Variants in PLXNA2 observed in about 807,000 individuals in gnomAD.
The protein encoded by PLXNA2 is plexin-A2.
A neutral mutation model predicts 193.5 loss-of-function variants in PLXNA2; 91 were observed. The ratio of observed to expected loss-of-function variants is 0.47; its 90% confidence interval spans 0.40 to 0.56. PLXNA2 has a LOEUF of 0.56. PLXNA2 is among the 20% of genes least tolerant of loss of function. The probability of loss-of-function intolerance (pLI) is 0.00; values close to 1 mark genes in which losing one functional copy is unlikely to be tolerated. For missense variants in PLXNA2, 1,995 were observed against 2,503.2 expected, an observed-to-expected ratio of 0.80 and a Z score of 4.33; for synonymous variants, 997 against 1,027.3, an observed-to-expected ratio of 0.97 and a Z score of 0.56.
At position 208,028,688 on chromosome 1, in the gene PLXNA2, C is replaced by G. The variant is rs1046183196; in HGVS notation, c.5438+142G>C. 1.0e-5 allele frequency: 7 copies of G among 702,448 alleles called. No homozygotes were observed. Among genetic ancestry groups the G allele is most frequent in the Non-Finnish European group, 1.7e-5 (7 of 421,968 alleles). The allele number at this position is 702,448 out of a possible 1,614,324, so 43.5% of individuals were successfully genotyped here. A position where few individuals can be genotyped will look rare whatever the true frequency, so the allele number is the denominator to read the frequency against. On this transcript the variant is annotated intron_variant, in intron 30 of 31. Coordinates refer to ENST00000367033, the MANE Select transcript of PLXNA2 (RefSeq NM_025179.4). The surrounding 1 kb of genome is among the most constrained non-coding windows in gnomAD (Gnocchi z 4.2). The stretch of plus-strand genomic sequence containing the variant: ...CACAAAGCCACCCTTCCTCCCGCAG[C>G]AGGGGGTGTGGCAGGGAGGGGAGTG...
chr1:208,200,255 A>G (rs891885946), intron 3 of PLXNA2, among the ~76,000 whole-genome samples: 3 of 152,220 alleles, frequency 2.0e-5, no homozygotes, highest in African/African-American at 7.2e-5. Context: ...ATAGAACCAC[A>G]GGAAGAGACT....
intron 22 of PLXNA2, among the ~76,000 whole-genome samples, chr1:208,040,833 T>A (rs1212299492): frequency 6.6e-6 from 1 of 152,212 alleles, no homozygotes; most frequent in African/African-American, 2.4e-5. Context: ...GATTTGCTCA[T>A]GCAAGGGCTG....
At chr1:208,207,975 C>A (rs1249162000) in intron 3 of PLXNA2, among the ~76,000 whole-genome samples, 1 of 152,266 alleles carries the variant, frequency 6.6e-6, no homozygotes, top group East Asian at 1.9e-4. Flanking sequence ...TGCCCTTGAA[C>A]CTGCTGACTG....
At chr1:208,110,563 T>C (rs1444564023) in intron 4 of PLXNA2, among the ~76,000 whole-genome samples, 1 of 152,234 alleles carries the variant, frequency 6.6e-6, no homozygotes. Context: ...ATTTACCGCA[T>C]GCCAGGCACG....
intron 1 of PLXNA2, among the ~76,000 whole-genome samples, chr1:208,238,598 G>A (rs535239606): frequency 1.3e-5 from 2 of 152,130 alleles, no homozygotes; most frequent in African/African-American, 4.8e-5. Context: ...GGACTCTGCT[G>A]TCTCTCAATA....
intron 5 of PLXNA2, among the ~76,000 whole-genome samples, chr1:208,099,724 C>A (rs1667030645): frequency 6.6e-6 from 1 of 152,102 alleles, no homozygotes; most frequent in Non-Finnish European, 1.5e-5. Flanking sequence ...GCGCCCACCA[C>A]CGTGCCCGGC....
chr1:208,236,285 A>C lies in PLXNA2; in HGVS notation c.-81+7358T>G, dbSNP rs1484475194. On this transcript the variant is annotated intron_variant, in intron 1 of 31. Coordinates refer to ENST00000367033, the MANE Select transcript of PLXNA2 (RefSeq NM_025179.4). This position sits in a 1 kb window ranked among gnomAD's most constrained non-coding sequence, Gnocchi z 4.4. ...TGTTCCTCAGGAGAAAAAAATGGGA[A>C]ACCGGGGAGCAGTCAGGGGAGGTGG... 6.6e-6 allele frequency among the ~76,000 whole-genome samples: 1 copy of C among 152,178 alleles called. No homozygotes were observed. The highest frequency in any genetic ancestry group is 1.5e-5 in the Non-Finnish European group (1 of 68,026).
At chr1:208,223,435 T>C (rs896169249) in intron 1 of PLXNA2, among the ~76,000 whole-genome samples, 4 of 152,130 alleles carry the variant, frequency 2.6e-5, no homozygotes, top group African/African-American at 9.7e-5. Context: ...TTCGGGAAAG[T>C]GGATGCCTTT....
chr1:208,039,767 C>A lies in PLXNA2; in HGVS notation c.4354G>T (p.Glu1452Ter). The A allele has an allele frequency of 6.2e-7, 1 of 1,614,066 alleles. No individual in the cohort carries two copies. Among genetic ancestry groups the A allele is most frequent in the Non-Finnish European group, 8.5e-7 (1 of 1,180,000 alleles). Residue 1452 changes from glutamate to a stop codon, truncating the protein, a stop_gained and splice_region_variant, in exon 24 of 32, where the codon GAG (glutamate) becomes TAG (stop). Coordinates refer to ENST00000367033, the MANE Select transcript of PLXNA2 (RefSeq NM_025179.4). LOFTEE classifies it high-confidence loss of function. The stretch of plus-strand genomic sequence containing the variant: ...ATGAAGAGTGGCTCCCCTGCGCACT[C>A]CTGTGGGCACAGACAGGGCAGGAGG... ...FAFLLHKFLK[E>*]CAGEPLFMLY...
intron 17 of PLXNA2, among the ~76,000 whole-genome samples, chr1:208,049,716 A>G (rs1439252451): frequency 1.3e-5 from 2 of 152,152 alleles, no homozygotes; most frequent in Admixed American, 6.5e-5. Context: ...CTGCTACACA[A>G]TGAAGGGGTT....
At chr1:208,154,058 C>T (rs143708208) in intron 3 of PLXNA2, among the ~76,000 whole-genome samples, 118 of 152,232 alleles carry the variant, frequency 7.8e-4, no homozygotes, top group African/African-American at 2.7e-3. Context: ...AGGATTGTCT[C>T]GATCTGCTTG....
At chr1:208,225,951 C>A (rs1039193473) in intron 1 of PLXNA2, among the ~76,000 whole-genome samples, 7 of 152,158 alleles carry the variant, frequency 4.6e-5, no homozygotes, top group Admixed American at 6.5e-5. Context: ...GCAACCCTGG[C>A]AAACTAATAC....
At chr1:208,151,207 G>T (rs191694558) in intron 3 of PLXNA2, among the ~76,000 whole-genome samples, 125 of 152,338 alleles carry the variant, frequency 8.2e-4, no homozygotes, top group African/African-American at 2.9e-3. Context: ...GTAGCTGGAG[G>T]GGTGGTAGGA....
chr1:208,097,775 C>T (rs1417240217), intron 6 of PLXNA2, among the ~76,000 whole-genome samples: 2 of 151,810 alleles, frequency 1.3e-5, no homozygotes, highest in Admixed American at 1.3e-4. Context: ...GTTTCCTCTG[C>T]CCATGAGGTG....
chr1:208,226,071 T>C (rs566355039), intron 1 of PLXNA2, among the ~76,000 whole-genome samples: 4 of 152,306 alleles, frequency 2.6e-5, no homozygotes, highest in African/African-American at 9.6e-5. Context: ...GGCGGGTATC[T>C]CTGACTCCTG....
chr1:208,146,186 G>A (rs765640814), intron 3 of PLXNA2, among the ~76,000 whole-genome samples: 4 of 152,150 alleles, frequency 2.6e-5, no homozygotes, highest in Non-Finnish European at 5.9e-5. Flanking sequence ...ATGAGTGCAG[G>A]GTTTAAGTCT....
At chr1:208,091,855 C>G (rs911176152) in intron 9 of PLXNA2, among the ~76,000 whole-genome samples, 2 of 127,268 alleles carry the variant, frequency 1.6e-5, no homozygotes. Context: ...GGCGATAGAG[C>G]GAGACTTCAT....
rs995342148 is a variant in PLXNA2 at position 208,038,275 on chromosome 1, G to A, written c.4764+96C>T. On this transcript the variant is annotated intron_variant, in intron 26 of 31. Coordinates refer to ENST00000367033, the MANE Select transcript of PLXNA2 (RefSeq NM_025179.4). The surrounding 1 kb of genome is among the most constrained non-coding windows in gnomAD (Gnocchi z 4.1). ...AGCAGGAGGAGGAAAGCAGGGAGAG[G>A]AAAATCCTTTTTAGACTTTTGAGGC... is the stretch of plus-strand genomic sequence containing the variant. 9 of 849,494 alleles carry A rather than the reference G, an allele frequency of 1.1e-5. No homozygotes were observed. The highest frequency in any genetic ancestry group is 1.8e-5 in the Non-Finnish European group (9 of 493,968). The allele number at this position is 849,494 out of a possible 1,614,324, so 52.6% of individuals were successfully genotyped here.
intron 1 of PLXNA2, among the ~76,000 whole-genome samples, chr1:208,237,148 T>C (rs1206358919): frequency 6.6e-6 from 1 of 152,218 alleles, no homozygotes; most frequent in African/African-American, 2.4e-5. Flanking sequence ...CTCCTAACCT[T>C]TCTCTATTAG....
Sources: gnomAD v4.1 joint callset for allele counts (sites outside exome capture counted in the v4.1 genomes callset) on GRCh38, gnomAD v4.1.1 for gene constraint, Gnocchi (gnomAD v3.1) non-coding constraint, MANE v1.5 for transcripts, NCBI Gene and HGNC (gene_info 2026-07-23, HGNC 2026-07-21) for gene names.